The following ZNF462 variants were observed in gnomAD, a reference collection of about 807,000 sequenced individuals.
ZNF462 encodes the protein zinc finger PBX1-interacting protein.
A neutral mutation model predicts 201.9 loss-of-function variants in ZNF462; 10 were observed. The observed-to-expected ratio is 0.05, with a 90% confidence interval of 0.03 to 0.08. The LOEUF is 0.08. Ranked by LOEUF, ZNF462 falls within the 10% of genes least tolerant of loss-of-function variation. The pLI is 1.00. For missense variants in ZNF462, 2,523 were observed against 3,168.3 expected (o/e 0.80, Z 4.89); for synonymous variants, 1,227 against 1,193.3 (o/e 1.03, Z -0.58).
In ZNF462 at chr9:107,009,526, T is replaced by A; in HGVS notation, c.7190-19T>A. 6.2e-7 allele frequency: 1 copy of A among 1,613,756 alleles called. No homozygotes were observed. Among genetic ancestry groups the A allele is most frequent in the Non-Finnish European group, 8.5e-7 (1 of 1,179,826 alleles). Reference sequence around the variant, plus strand: ...GATTCCCACAGCACACAGGTAACACTTCTGCTTTCTCTTTGCAGAGCTGAT... The same window carrying A: ...GATTCCCACAGCACACAGGTAACACATCTGCTTTCTCTTTGCAGAGCTGAT... On this transcript the variant is annotated intron_variant, in intron 11 of 12. Coordinates refer to ENST00000277225, the MANE Select transcript of ZNF462 (RefSeq NM_021224.6). This position sits in a 1 kb window ranked among gnomAD's most constrained non-coding sequence, Gnocchi z 6.1.
intron 1 of ZNF462, among the ~76,000 whole-genome samples, chr9:106,903,145 G>A (rs905834436): frequency 2.6e-5 from 4 of 151,730 alleles, no homozygotes; most frequent in Non-Finnish European, 4.4e-5. Context: ...CATTAAGTTC[G>A]AAGAATTTTT....
rs186190511 is a variant in ZNF462 at position 106,913,984 on chromosome 9, C to T, written c.-30-9370C>T. Among the ~76,000 whole-genome samples the T allele has an allele frequency of 1.4e-3, 216 of 149,858 alleles. 4 individuals carry two copies. Among genetic ancestry groups the T allele is most frequent in the Middle Eastern group, 3.5e-3 (1 of 286 alleles). ...ACTGTGCAAAGGTGGATACAAAGGCCGTATCACTAGGAAAGACAGACCAGT... is the reference window on the plus strand; with the variant it reads ...ACTGTGCAAAGGTGGATACAAAGGCTGTATCACTAGGAAAGACAGACCAGT... On this transcript the variant is annotated intron_variant, in intron 1 of 12. Coordinates refer to ENST00000277225, the MANE Select transcript of ZNF462 (RefSeq NM_021224.6). The surrounding 1 kb of genome is among the most constrained non-coding windows in gnomAD (Gnocchi z 4.1).
chr9:106,925,390 C>G lies in ZNF462; in HGVS notation c.1478C>G (p.Thr493Arg). The G allele has an allele frequency of 1.9e-6, 3 of 1,614,182 alleles. No individual in the cohort carries two copies. The highest frequency in any genetic ancestry group is 2.5e-6 in the Non-Finnish European group (3 of 1,180,034). The change falls in exon 3 of 13, where the codon ACG becomes AGG. Residue 493 changes from threonine to arginine, a missense_variant. By Grantham distance (71) the Thr-to-Arg change is moderately conservative (BLOSUM62 -1). Coordinates refer to ENST00000277225, the MANE Select transcript of ZNF462 (RefSeq NM_021224.6). This position sits in a 1 kb window ranked among gnomAD's most constrained non-coding sequence, Gnocchi z 7.9. ...CTTGGGGCTCACAAACAGTGTCACA[C>G]GGGTACAACGTCAGATTGGGATGCT... ...LKLGAHKQCH[T>R]GTTSDWDAVN...
Position 107,011,275 on chromosome 9 carries a change from T to G in ZNF462, c.*245T>G, listed in dbSNP as rs967100111. On this transcript the variant is annotated 3_prime_UTR_variant, in exon 13 of 13. Coordinates refer to ENST00000277225, the MANE Select transcript of ZNF462 (RefSeq NM_021224.6). The surrounding 1 kb of genome is among the most constrained non-coding windows in gnomAD (Gnocchi z 5.6). ...CATCTTTTCTTCCGGATCTTCATCA[T>G]GGAAGTTTCATTTGTTGCGGAATAT... 2.2e-6 allele frequency: 1 copy of G among 464,270 alleles called. No homozygotes were observed. Among genetic ancestry groups the G allele is most frequent in the Admixed American group, 3.6e-5 (1 of 28,132 alleles). 28.8% of individuals were successfully genotyped at this position (464,270 alleles called of 1,614,324 possible).
intron 10 of ZNF462, among the ~76,000 whole-genome samples, chr9:106,989,153 A>C (rs1166128867): frequency 6.6e-6 from 1 of 152,070 alleles, no homozygotes; most frequent in Non-Finnish European, 1.5e-5. Context: ...TTCCCCATTC[A>C]GTATTACGTT....
In ZNF462 at chr9:106,876,178, T is replaced by C. The variant is rs1827823733; in HGVS notation, c.-31+12823T>C. Among the ~76,000 whole-genome samples the C allele has an allele frequency of 6.6e-6, 1 of 152,288 alleles. No homozygotes were observed. Among genetic ancestry groups the C allele is most frequent in the East Asian group, 1.9e-4 (1 of 5,172 alleles). ...TACTAGCTGTGGGACCTTGAGTAAG[T>C]CATTTATCCTTTCTGTCCCCATGAT... On this transcript the variant is annotated intron_variant, in intron 1 of 12. Coordinates refer to ENST00000277225, the MANE Select transcript of ZNF462 (RefSeq NM_021224.6). This position sits in a 1 kb window ranked among gnomAD's most constrained non-coding sequence, Gnocchi z 4.9.
At chr9:106,960,067 C>T (rs1164142323) in intron 7 of ZNF462, among the ~76,000 whole-genome samples, 1 of 152,008 alleles carries the variant, frequency 6.6e-6, no homozygotes, top group Non-Finnish European at 1.5e-5. Context: ...TCAGAGACTC[C>T]CGCTCGGGGA....
rs192243931 is a variant in ZNF462, at chr9:106,976,907, G to A, written c.6832+2634G>A. Among the ~76,000 whole-genome samples, 4 of 152,196 alleles carry A rather than the reference G, an allele frequency of 2.6e-5. No individual in the cohort carries two copies. The East Asian group carries it at 7.7e-4, about 29-fold the overall frequency. ...AAATGTCTAGTAAGTAATCCAGCTG[G>A]GATTTAAACCCAGGCTTGTCTGACC... On this transcript the variant is annotated intron_variant, in intron 9 of 12. Transcript: ENST00000277225.
chr9:106,939,535 G>A (rs182103883), intron 7 of ZNF462, among the ~76,000 whole-genome samples: 10 of 152,192 alleles, frequency 6.6e-5, no homozygotes, highest in Admixed American at 6.5e-5. Flanking sequence ...ATTCAGAGTA[G>A]GAGTGCAAAG....
chr9:106,928,028 G>C lies in ZNF462; in HGVS notation c.4116G>C (p.Arg1372Ser). The change falls in exon 3 of 13, where the codon AGG becomes AGC. Residue 1372 changes from arginine to serine, a missense_variant. Arg to Ser is a moderately radical substitution (Grantham distance 110). Around this residue, in one of 15 missense-constraint regions of ZNF462, gnomAD observed 165 missense variants for 142.6 expected, o/e 1.16. Coordinates refer to ENST00000277225, the MANE Select transcript of ZNF462 (RefSeq NM_021224.6). The surrounding 1 kb of genome is among the most constrained non-coding windows in gnomAD (Gnocchi z 9.3). ...MPAEAKTYRC[R>S]DCVFEAVSIW... ...CCGAAGCCAAAACCTACAGATGCAG[G>C]GACTGTGTTTTCGAAGCTGTTTCCA... 1 of 1,614,152 alleles carries C rather than the reference G, an allele frequency of 6.2e-7. No homozygotes were observed. The highest frequency in any genetic ancestry group is 1.1e-5 in the South Asian group (1 of 91,078).
chr9:106,958,996 C>T (rs1831706588), intron 7 of ZNF462, among the ~76,000 whole-genome samples: 1 of 152,078 alleles, frequency 6.6e-6, no homozygotes, highest in Non-Finnish European at 1.5e-5. Flanking sequence ...GCCAGGAAAG[C>T]CTGTCCAGTT....
intron 7 of ZNF462, among the ~76,000 whole-genome samples, chr9:106,958,559 C>T (rs532172386): frequency 6.6e-6 from 1 of 152,190 alleles, no homozygotes; most frequent in Admixed American, 6.6e-5. Context: ...AAGCACCTCT[C>T]AGCACAGAGC....
intron 7 of ZNF462, among the ~76,000 whole-genome samples, chr9:106,946,644 A>G (rs1831116993): frequency 6.6e-6 from 1 of 152,116 alleles, no homozygotes; most frequent in Non-Finnish European, 1.5e-5. Context: ...TGTCCTCGGA[A>G]AGATGGGTAT....
chr9:106,863,447 A>G (rs1175494041), intron 1 of ZNF462, 92 bp downstream of exon 1: 1 of 325,428 alleles, frequency 3.1e-6, no homozygotes, highest in Non-Finnish European at 5.6e-6. Flanking sequence ...GCGCTCATTC[A>G]TTCGGCCAAG....
At chr9:106,936,950 G>T (rs1281402301) in intron 6 of ZNF462, among the ~76,000 whole-genome samples, 1 of 152,216 alleles carries the variant, frequency 6.6e-6, no homozygotes, top group Non-Finnish European at 1.5e-5. Flanking sequence ...ATTGGGAGCA[G>T]TGTAATTCAG....
intron 7 of ZNF462, among the ~76,000 whole-genome samples, chr9:106,964,008 CGTGTGTGT>C (rs111450825): frequency 2.7e-5 from 4 of 146,748 alleles, no homozygotes; most frequent in Non-Finnish European, 4.5e-5. Context: ...AAATAATATT[CGTGTGTGT>C]GTGTGTGTGT....
At chr9:106,959,921 T>A (rs940011273) in intron 7 of ZNF462, among the ~76,000 whole-genome samples, 2 of 151,986 alleles carry the variant, frequency 1.3e-5, no homozygotes, top group Non-Finnish European at 2.9e-5. Context: ...GGAGGAGCTA[T>A]CCTAAGGGAA....
chr9:106,989,856 T>G (rs1434158215), intron 10 of ZNF462, among the ~76,000 whole-genome samples: 1 of 152,134 alleles, frequency 6.6e-6, no homozygotes, highest in Admixed American at 6.6e-5. Context: ...TTGAATGATC[T>G]TTTGTATTTC....
intron 10 of ZNF462, among the ~76,000 whole-genome samples, chr9:106,986,392 G>A (rs1453936748): frequency 2.0e-5 from 3 of 152,108 alleles, no homozygotes; most frequent in Non-Finnish European, 4.4e-5. Context: ...TTTCCAGTTC[G>A]TAAATGGGAA....
Sources: allele counts gnomAD v4.1 joint callset (sites outside exome capture counted in the v4.1 genomes callset), GRCh38; gene constraint gnomAD v4.1.1; regional missense constraint gnomAD v4.1.1; non-coding constraint Gnocchi (gnomAD v3.1); transcripts MANE v1.5; gene names NCBI Gene and HGNC (gene_info 2026-07-23, HGNC 2026-07-21).